Variants in ROBO1 observed in about 807,000 individuals in gnomAD.
The protein encoded by ROBO1 is roundabout homolog 1.
ROBO1 carries 149 observed loss-of-function variants against 195.9 expected under a neutral mutation model. That is an observed-to-expected ratio of 0.76 (90% CI 0.67 to 0.87). The LOEUF is 0.87. Among genes scored for constraint, ROBO1 ranks in the 40% least tolerant of loss-of-function variants. ROBO1 has a pLI of 0.00. For synonymous variants in ROBO1, 816 were observed against 733.2 expected (o/e 1.11, Z -1.82); for missense variants, 1,933 against 2,068.3 (o/e 0.93, Z 1.27).
intron 2 of ROBO1, chr3:79,508,104 G>A (rs766352935): frequency 2.0e-5 from 3 of 152,108 alleles, no homozygotes; most frequent in Admixed American, 6.6e-5. Context: ...GGGCCTGTTG[G>A]GGGGTGGGGA....
At chr3:79,414,916 C>G (rs186222908) in intron 2 of ROBO1, among the ~76,000 whole-genome samples, 1 of 152,248 alleles carries the variant, frequency 6.6e-6, no homozygotes, top group East Asian at 1.9e-4. Flanking sequence ...ATGTCCAGAG[C>G]TATTTCAACT....
chr3:78,746,626 G>T, intron 5 of ROBO1, 117 bp downstream of exon 5: 1 of 789,936 alleles, frequency 1.3e-6, no homozygotes, highest in Non-Finnish European at 1.8e-6. Context: ...AGCTGAACAT[G>T]GGAGCTGACG....
chr3:79,631,335 A>T lies in ROBO1; in HGVS notation c.-50-41374T>A, dbSNP rs918700894. ...AGAGAACCCAGAAATAAAGCCTCAT[A>T]TCTGTAATCAACAGATCTTCAACAA... On this transcript the variant is annotated intron_variant, in intron 1 of 30. Coordinates refer to ENST00000464233, the MANE Select transcript of ROBO1 (RefSeq NM_002941.4). Among the ~76,000 whole-genome samples, 7 of 152,072 alleles carry T rather than the reference A, an allele frequency of 4.6e-5. No individual in the cohort carries two copies. In the East Asian group the frequency reaches 1.3e-3, roughly 29 times the overall value.
intron 1 of ROBO1, among the ~76,000 whole-genome samples, chr3:79,624,179 C>A (rs1042165008): frequency 3.3e-5 from 5 of 152,050 alleles, no homozygotes; most frequent in African/African-American, 1.2e-4. Context: ...GCCTACCATG[C>A]AAGAGCTCCT....
Position 78,967,232 on chromosome 3 carries a change from A to T in ROBO1, c.173-28305T>A, listed in dbSNP as rs1303162898. On this transcript the variant is annotated intron_variant, in intron 3 of 30. Coordinates refer to ENST00000464233, the MANE Select transcript of ROBO1 (RefSeq NM_002941.4). ...CCCTAGAGCACTGCTTCCCTCGGCA[A>T]GGGAAATATAAGGACATGTGACTCA... Among the ~76,000 whole-genome samples, 3 of 152,068 alleles carry T rather than the reference A, an allele frequency of 2.0e-5. No homozygotes were observed. In the South Asian group the frequency reaches 6.2e-4, roughly 32 times the overall value.
chr3:79,501,882 C>T (rs1940091733), intron 2 of ROBO1, among the ~76,000 whole-genome samples: 1 of 152,160 alleles, frequency 6.6e-6, no homozygotes. Context: ...TGAACAATGT[C>T]CCTCTTTATT....
intron 2 of ROBO1, among the ~76,000 whole-genome samples, chr3:79,395,058 T>C (rs1383880638): frequency 2.0e-5 from 3 of 151,836 alleles, no homozygotes; most frequent in East Asian, 3.9e-4. Context: ...GCGCGGTGGC[T>C]CACGCCTGTA....
intron 14 of ROBO1, 50 bp from the exon 15 acceptor site, chr3:78,662,164 C>A (rs972541073): frequency 4.1e-5 from 62 of 1,516,724 alleles, no homozygotes; most frequent in Non-Finnish European, 5.2e-5. Flanking sequence ...CGTTACTGAA[C>A]GGAATGAAAG....
chr3:79,750,626 G>A lies in ROBO1; in HGVS notation c.-51+17126C>T, dbSNP rs150059541. ...TTGTGACAGTGAATGAATCTCCTGA[G>A]ATCTGATGGCTTTAAAAATGGGAGT... On this transcript the variant is annotated intron_variant, in intron 1 of 30. Coordinates refer to ENST00000464233, the MANE Select transcript of ROBO1 (RefSeq NM_002941.4). Among the ~76,000 whole-genome samples the A allele has an allele frequency of 5.9e-3, 900 of 152,288 alleles. 8 individuals are homozygous for A. The highest frequency in any genetic ancestry group is 0.037 in the Middle Eastern group (11 of 294).
chr3:79,394,477 T>TA (rs1434371312), intron 2 of ROBO1, among the ~76,000 whole-genome samples: 1 of 151,924 alleles, frequency 6.6e-6, no homozygotes, highest in Non-Finnish European at 1.5e-5. Flanking sequence ...TATATATTTA[T>TA]ATATAAACAC....
chr3:79,700,957 G>T (rs937478807), intron 1 of ROBO1, among the ~76,000 whole-genome samples: 3 of 151,670 alleles, frequency 2.0e-5, no homozygotes, highest in African/African-American at 7.3e-5. Context: ...TTATAGTTAA[G>T]ATCTTACATT....
At chr3:79,764,072 C>T (rs1258320931) in intron 1 of ROBO1, among the ~76,000 whole-genome samples, 1 of 152,160 alleles carries the variant, frequency 6.6e-6, no homozygotes, top group African/African-American at 2.4e-5. Context: ...TTTCCTTAAA[C>T]TCTCTGAGCT....
chr3:79,658,987 A>G (rs1456836158), intron 1 of ROBO1, among the ~76,000 whole-genome samples: 2 of 152,032 alleles, frequency 1.3e-5, no homozygotes, highest in African/African-American at 4.8e-5. Flanking sequence ...CACCCACCTC[A>G]GACTCCCAAA....
intron 1 of ROBO1, among the ~76,000 whole-genome samples, chr3:79,603,576 T>G (rs1294444142): frequency 6.6e-6 from 1 of 151,900 alleles, no homozygotes; most frequent in East Asian, 1.9e-4. Flanking sequence ...CCCATAACCC[T>G]AGGACGGGAA....
Position 78,617,799 on chromosome 3 carries a change from C to A in ROBO1, c.4118G>T (p.Gly1373Val). The change falls in exon 27 of 31, where the codon GGC (glycine) becomes GTC (valine). Residue 1373 changes from glycine (G) to valine (V), a missense_variant. Physicochemically the swap from Gly to Val is moderately radical, Grantham distance 109. Transcript: ENST00000464233. ...ESSVTGSMIN[G>V]WGSASEEDNI... ...GTCCTCCTCTGAGGCTGAGCCCCAGCCGTTGATCATGGACCCCGTGACAGA... is the reference window on the plus strand; with the variant it reads ...GTCCTCCTCTGAGGCTGAGCCCCAGACGTTGATCATGGACCCCGTGACAGA... 1 of 1,613,890 alleles carries A rather than the reference C, an allele frequency of 6.2e-7. No individual in the cohort carries two copies. Among genetic ancestry groups the A allele is most frequent in the African/African-American group, 1.3e-5 (1 of 75,054 alleles).
chr3:78,934,169 G>A (rs577998431), intron 4 of ROBO1, among the ~76,000 whole-genome samples: 4 of 152,036 alleles, frequency 2.6e-5, no homozygotes, highest in African/African-American at 9.6e-5. Context: ...GAAAAAGGTA[G>A]TGAAAGCAAT....
rs747396519 is a variant in ROBO1, at chr3:78,670,127, T to C, written c.1517A>G (p.Glu506Gly). 2.5e-6 allele frequency: 4 copies of C among 1,613,558 alleles called. No individual in the cohort carries two copies. The highest frequency in any genetic ancestry group is 3.4e-6 in the Non-Finnish European group (4 of 1,179,700). Residue 506 changes from glutamate to glycine, a missense_variant, in exon 11 of 31, where the codon GAG becomes GGG. Physicochemically the swap from Glu to Gly is moderately conservative, Grantham distance 98. Around this residue, in one of 3 missense-constraint regions of ROBO1, gnomAD observed 1,737 missense variants for 1,882.5 expected, o/e 0.92. Coordinates refer to ENST00000464233, the MANE Select transcript of ROBO1 (RefSeq NM_002941.4). The part of the protein sequence containing the change: ...STQDSRIKQL[E>G]NGVLQIRYAK... ...ATATCGGATCTGCAGTACTCCATTC[T>C]CCAACTGTTTGATTCGAGAGTCTTG...
At chr3:79,203,532 C>T (rs774671793) in intron 2 of ROBO1, among the ~76,000 whole-genome samples, 86 of 152,224 alleles carry the variant, frequency 5.6e-4, no homozygotes, top group Non-Finnish European at 1.2e-3. Context: ...TGAGAAGTCC[C>T]TCGGAAAGGG....
chr3:79,636,853 G>A (rs1945510436), intron 1 of ROBO1, among the ~76,000 whole-genome samples: 1 of 152,116 alleles, frequency 6.6e-6, no homozygotes, highest in South Asian at 2.1e-4. Flanking sequence ...CGTGTTAGCT[G>A]TATAATAAAA....
Sources: allele counts gnomAD v4.1 joint callset (sites outside exome capture counted in the v4.1 genomes callset), GRCh38; gene constraint gnomAD v4.1.1; regional missense constraint gnomAD v4.1.1; transcripts MANE v1.5; gene names NCBI Gene and HGNC (gene_info 2026-07-23, HGNC 2026-07-21).